Variants in ARHGEF7 observed in about 807,000 individuals in gnomAD.
The protein encoded by ARHGEF7 is PAK-interacting exchange factor beta.
A neutral mutation model predicts 109.8 loss-of-function variants in ARHGEF7; 33 were observed. That is an observed-to-expected ratio of 0.30 (90% CI 0.23 to 0.40). ARHGEF7 has a LOEUF of 0.40. ARHGEF7 is among the 10% of genes least tolerant of loss of function. The probability of loss-of-function intolerance (pLI) is 1.00; values close to 1 mark genes in which losing one functional copy is unlikely to be tolerated. For synonymous variants in ARHGEF7, 458 were observed against 424.6 expected (o/e 1.08, Z -0.97); for missense variants, 938 against 1,098.5 (o/e 0.85, Z 2.07).
intron 2 of ARHGEF7, among the ~76,000 whole-genome samples, chr13:111,187,329 GGT>G (rs1386907803): frequency 2.6e-5 from 4 of 152,122 alleles, no homozygotes; most frequent in Non-Finnish European, 5.9e-5. Flanking sequence ...GTGTTGACCT[GGT>G]GGTGTGGGCC....
intron 1 of ARHGEF7, among the ~76,000 whole-genome samples, chr13:111,136,429 G>A (rs1473709027): frequency 2.0e-5 from 3 of 152,178 alleles, no homozygotes; most frequent in Non-Finnish European, 4.4e-5. Flanking sequence ...TAGAACTCAG[G>A]ATTAAGAAAC....
intron 2 of ARHGEF7, among the ~76,000 whole-genome samples, chr13:111,168,164 G>C (rs1208146438): frequency 1.3e-5 from 2 of 152,190 alleles, no homozygotes; most frequent in African/African-American, 4.8e-5. Flanking sequence ...GAGACTGTCA[G>C]GGCTGAGATG....
At chr13:111,293,233 G>A in intron 19 of ARHGEF7, 3 of 985,342 alleles carry the variant, frequency 3.0e-6, no homozygotes, top group African/African-American at 1.7e-5. Flanking sequence ...CAAGTGCTGT[G>A]GCTTCAGTTC....
chr13:111,148,849 T>A (rs564655199), intron 1 of ARHGEF7, among the ~76,000 whole-genome samples: 4 of 152,238 alleles, frequency 2.6e-5, no homozygotes, highest in Non-Finnish European at 5.9e-5. Context: ...TAATAAATGA[T>A]TTAAAATATT....
At chr13:111,287,090 C>T (rs752696925) in intron 17 of ARHGEF7, among the ~76,000 whole-genome samples, 2 of 152,232 alleles carry the variant, frequency 1.3e-5, no homozygotes, top group Non-Finnish European at 2.9e-5. Context: ...CTCACCGCCA[C>T]CTTATCATCA....
intron 1 of ARHGEF7, among the ~76,000 whole-genome samples, chr13:111,138,112 G>A (rs754074331): frequency 2.0e-5 from 3 of 152,038 alleles, no homozygotes; most frequent in Non-Finnish European, 2.9e-5. Flanking sequence ...TCAGGAGTTC[G>A]AGACCAGCCT....
In ARHGEF7 at chr13:111,221,339, A is replaced by G. The variant is rs1383901548; in HGVS notation, c.670+3459A>G. 3.7e-4 allele frequency among the ~76,000 whole-genome samples: 5 copies of G among 13,460 alleles called. 2 individuals carry two copies. In the East Asian group the frequency reaches 0.034, roughly 91 times the overall value. The allele number at this position is 13,460 out of a possible 152,430, so 8.8% of individuals were successfully genotyped here. A position where few individuals can be genotyped will look rare whatever the true frequency, so the allele number is the denominator to read the frequency against. The stretch of plus-strand genomic sequence containing the variant: ...TATATAGATATATATGTCTATATAT[A>G]TCTATATATATGTCTATATATATAT... On this transcript the variant is annotated intron_variant, in intron 5 of 21. Coordinates refer to ENST00000646102, the MANE Select transcript of ARHGEF7 (RefSeq NM_001354046.2).
intron 1 of ARHGEF7, among the ~76,000 whole-genome samples, chr13:111,139,595 T>TGTGGAGCACTGGCGGGTGCCTGC (rs1376744214): frequency 8.1e-6 from 1 of 123,130 alleles, no homozygotes; most frequent in Non-Finnish European, 1.9e-5. Context: ...CGGGTGCCTG[T>TGTGGAGCACTGGCGGGTGCCTGC]GTGGAGCACT....
chr13:111,226,655 A>C (rs2085253941), intron 5 of ARHGEF7, among the ~76,000 whole-genome samples: 1 of 152,218 alleles, frequency 6.6e-6, no homozygotes, highest in African/African-American at 2.4e-5. Context: ...TAATCACCCA[A>C]GAGCTTTGAG....
Position 111,283,248 on chromosome 13 carries a change from ACAC to A in ARHGEF7, c.1841_1843del (p.Thr614del). On this transcript the variant is annotated inframe_deletion, in exon 16 of 22. Coordinates refer to ENST00000646102, the MANE Select transcript of ARHGEF7 (RefSeq NM_001354046.2). ...CACCCCTCCCACCACGGCACCCCGC[ACAC>A]CACCATCAACTGGGGACCCCTGGAG... 6.3e-7 allele frequency: 1 copy of A among 1,586,804 alleles called. No homozygotes were observed. Among genetic ancestry groups the A allele is most frequent in the Non-Finnish European group, 8.6e-7 (1 of 1,169,330 alleles).
Position 111,275,610 on chromosome 13 carries a change from G to A in ARHGEF7, c.1351G>A (p.Asp451Asn), listed in dbSNP as rs779735456. Residue 451 changes from aspartate to asparagine, a missense_variant, in exon 12 of 22, where the codon GAT (aspartate) becomes AAT (asparagine). Asp to Asn is a conservative substitution (Grantham distance 23). Coordinates refer to ENST00000646102, the MANE Select transcript of ARHGEF7 (RefSeq NM_001354046.2). ...GGAAGCCATCCGGAACTGGGAGGGC[G>A]ATGACATTAAAACTCTGGGCAACGT... The part of the protein sequence containing the change: ...LTEAIRNWEG[D>N]DIKTLGNVTY... 8 of 1,614,072 alleles carry A rather than the reference G, an allele frequency of 5.0e-6. No homozygotes were observed. The highest frequency in any genetic ancestry group is 1.1e-5 in the South Asian group (1 of 91,084).
At chr13:111,294,294 T>A (rs978559496) in intron 19 of ARHGEF7, 4 of 985,376 alleles carry the variant, frequency 4.1e-6, no homozygotes, top group Admixed American at 1.2e-4. Flanking sequence ...GCCTCGAGAC[T>A]ACTCATTAGC....
chr13:111,167,909 G>A (rs1176285878), intron 2 of ARHGEF7, among the ~76,000 whole-genome samples: 2 of 152,176 alleles, frequency 1.3e-5, no homozygotes, highest in East Asian at 3.8e-4. Flanking sequence ...GGCGCTTTCC[G>A]GAGGACAGAA....
At chr13:111,289,587 G>C (rs964012072) in intron 18 of ARHGEF7, among the ~76,000 whole-genome samples, 5 of 152,204 alleles carry the variant, frequency 3.3e-5, no homozygotes, top group African/African-American at 1.2e-4. Flanking sequence ...TTTCCAGCTC[G>C]ACTGTCACTT....
At chr13:111,122,609 T>G (rs1210786564) in intron 1 of ARHGEF7, 12 of 152,236 alleles carry the variant, frequency 7.9e-5, no homozygotes, top group Admixed American at 7.9e-4. Flanking sequence ...ACAGTGTATT[T>G]CAAACACATG....
At chr13:111,252,284 A>G (rs1049791794) in intron 8 of ARHGEF7, among the ~76,000 whole-genome samples, 9 of 152,154 alleles carry the variant, frequency 5.9e-5, no homozygotes, top group Non-Finnish European at 8.8e-5. Context: ...TGTATGGGAG[A>G]ACACATGCAT....
intron 1 of ARHGEF7, among the ~76,000 whole-genome samples, chr13:111,141,853 C>T (rs2075365610): frequency 6.6e-6 from 1 of 152,154 alleles, no homozygotes; most frequent in Admixed American, 6.5e-5. Context: ...CCAAGGAGCA[C>T]AATTGCTGGA....
intron 1 of ARHGEF7, among the ~76,000 whole-genome samples, chr13:111,148,461 T>C (rs2075727765): frequency 6.6e-6 from 1 of 152,206 alleles, no homozygotes; most frequent in Non-Finnish European, 1.5e-5. Flanking sequence ...TACAGAAATA[T>C]TTTTCAAGGG....
chr13:111,208,046 C>T (rs962729315), intron 3 of ARHGEF7, among the ~76,000 whole-genome samples: 3 of 152,122 alleles, frequency 2.0e-5, no homozygotes, highest in Non-Finnish European at 2.9e-5. Flanking sequence ...AATACCCGTA[C>T]GTTTTCTTTT....
Sources: allele counts gnomAD v4.1 joint callset (sites outside exome capture counted in the v4.1 genomes callset), GRCh38; gene constraint gnomAD v4.1.1; transcripts MANE v1.5; gene names NCBI Gene and HGNC (gene_info 2026-07-23, HGNC 2026-07-21).